The following GNAQ variants were observed in gnomAD, a reference collection of about 807,000 sequenced individuals.
The protein encoded by GNAQ is guanine nucleotide-binding protein G(q) subunit alpha.
Under a neutral mutation model 43.9 loss-of-function variants are expected in GNAQ, and 8 were observed. The ratio of observed to expected loss-of-function variants is 0.18; its 90% CI spans 0.11 to 0.33. The LOEUF (loss-of-function observed/expected upper bound fraction) is 0.33, where lower values mean the gene tolerates loss of function less well. GNAQ is among the 10% of genes least tolerant of loss of function. GNAQ has a pLI of 1.00. For missense variants in GNAQ, 158 were observed against 450.8 expected (o/e 0.35, Z 5.88); for synonymous variants, 155 against 170.7 (o/e 0.91, Z 0.71).
At chr9:77,839,143 G>A (rs1827442687) in intron 2 of GNAQ, among the ~76,000 whole-genome samples, 1 of 152,068 alleles carries the variant, frequency 6.6e-6, no homozygotes, top group African/African-American at 2.4e-5. Context: ...CCCAGGCCTC[G>A]TGGTGAACAG....
intron 2 of GNAQ, among the ~76,000 whole-genome samples, chr9:77,919,307 C>T (rs919186819): frequency 1.3e-5 from 2 of 152,076 alleles, no homozygotes; most frequent in African/African-American, 2.4e-5. Flanking sequence ...AGAATGAATG[C>T]AAAGATGGAA....
intron 4 of GNAQ, among the ~76,000 whole-genome samples, chr9:77,797,063 C>G (rs138465862): frequency 6.6e-6 from 1 of 151,946 alleles, no homozygotes; most frequent in African/African-American, 2.4e-5. Context: ...GATGGAGTCT[C>G]GCTTCGTAAC....
At chr9:77,894,918 G>A (rs1399263370) in intron 2 of GNAQ, among the ~76,000 whole-genome samples, 8 of 151,654 alleles carry the variant, frequency 5.3e-5, no homozygotes, top group East Asian at 3.9e-4. Context: ...GGCAGTGGCC[G>A]GGCACTCACG....
intron 2 of GNAQ, among the ~76,000 whole-genome samples, chr9:77,918,619 C>T (rs1828950718): frequency 6.6e-6 from 1 of 152,074 alleles, no homozygotes; most frequent in Admixed American, 6.6e-5. Flanking sequence ...ATTTTCTAGT[C>T]CTCCTCTATA....
chr9:77,935,476 C>A (rs1050954997), intron 1 of GNAQ, among the ~76,000 whole-genome samples: 4 of 152,134 alleles, frequency 2.6e-5, no homozygotes, highest in Non-Finnish European at 5.9e-5. Flanking sequence ...TTGTAAAAAG[C>A]CAATACATTT....
chr9:77,733,355 G>T (rs566976077), intron 5 of GNAQ, among the ~76,000 whole-genome samples: 69 of 152,278 alleles, frequency 4.5e-4, no homozygotes, highest in Non-Finnish European at 7.6e-4. Context: ...ACATGTAATT[G>T]ACTAAGGCTG....
intron 3 of GNAQ, among the ~76,000 whole-genome samples, chr9:77,814,233 CA>C (rs1826975927): frequency 2.0e-5 from 3 of 151,908 alleles, no homozygotes; most frequent in African/African-American, 7.3e-5. Context: ...GAAACTTATA[CA>C]GTGGGAGCCC....
At chr9:77,843,450 G>A (rs1259617796) in intron 2 of GNAQ, among the ~76,000 whole-genome samples, 1 of 152,166 alleles carries the variant, frequency 6.6e-6, no homozygotes, top group African/African-American at 2.4e-5. Context: ...TCCTTTCACA[G>A]AGCCCACCAA....
chr9:77,877,836 G>T (rs1286048106), intron 2 of GNAQ, among the ~76,000 whole-genome samples: 2 of 152,046 alleles, frequency 1.3e-5, no homozygotes, highest in African/African-American at 2.4e-5. Flanking sequence ...ATTATTTATG[G>T]CCCTGCAGTT....
At chr9:77,799,738 G>C (rs1163201827) in intron 3 of GNAQ, among the ~76,000 whole-genome samples, 2 of 152,088 alleles carry the variant, frequency 1.3e-5, no homozygotes, top group East Asian at 3.9e-4. Context: ...AATTCTTTAA[G>C]ACAAAAAAAG....
Position 77,996,800 on chromosome 9 carries a change from A to G in GNAQ, c.136+34300T>C, listed in dbSNP as rs76549485. On this transcript the variant is annotated intron_variant, in intron 1 of 6. Transcript: ENST00000286548. ...CATAAAATTTAATTTTGTAACCCTT[A>G]TATTTCACAGGATCCAGGCTGAAGT... is the stretch of plus-strand genomic sequence containing the variant. Among the ~76,000 whole-genome samples the G allele has an allele frequency of 8.4e-3, 1,274 of 152,166 alleles. 16 individuals are homozygous for G. The highest frequency in any genetic ancestry group is 0.029 in the African/African-American group (1,202 of 41,512).
chr9:78,008,242 T>C (rs1823730395), intron 1 of GNAQ, among the ~76,000 whole-genome samples: 1 of 152,212 alleles, frequency 6.6e-6, no homozygotes. Flanking sequence ...TCAGTTACCT[T>C]TTCTGTTAAA....
At chr9:77,917,669 G>A (rs1828933136) in intron 2 of GNAQ, among the ~76,000 whole-genome samples, 1 of 152,152 alleles carries the variant, frequency 6.6e-6, no homozygotes, top group South Asian at 2.1e-4. Flanking sequence ...ATTTGACCGA[G>A]TGACAAATAC....
chr9:77,859,792 A>T (rs1827814140), intron 2 of GNAQ, among the ~76,000 whole-genome samples: 2 of 152,240 alleles, frequency 1.3e-5, no homozygotes, highest in African/African-American at 4.8e-5. Flanking sequence ...GAATGCAGTA[A>T]AATATGAGGC....
chr9:77,761,505 T>C (rs1300790834), intron 5 of GNAQ, among the ~76,000 whole-genome samples: 2 of 100,858 alleles, frequency 2.0e-5, no homozygotes, highest in Admixed American at 1.1e-4. Context: ...GGTGGGGAGG[T>C]CAGCCCCCCG....
chr9:77,945,819 C>A (rs1161635990), intron 1 of GNAQ, among the ~76,000 whole-genome samples: 1 of 152,080 alleles, frequency 6.6e-6, no homozygotes, highest in Non-Finnish European at 1.5e-5. Flanking sequence ...TCCAAGGGAC[C>A]CTTAGAGGCC....
chr9:77,820,182 A>C (rs1303276244), intron 2 of GNAQ, among the ~76,000 whole-genome samples: 1 of 152,098 alleles, frequency 6.6e-6, no homozygotes, highest in African/African-American at 2.4e-5. Context: ...AAGTCACTGA[A>C]GCCTAAATTT....
At chr9:78,006,877 G>A (rs1823713154) in intron 1 of GNAQ, among the ~76,000 whole-genome samples, 1 of 152,180 alleles carries the variant, frequency 6.6e-6, no homozygotes, top group South Asian at 2.1e-4. Flanking sequence ...GGCCTGTCAG[G>A]AGTTCATTTC....
At chr9:77,808,501 G>C (rs1199850739) in intron 3 of GNAQ, among the ~76,000 whole-genome samples, 1 of 151,722 alleles carries the variant, frequency 6.6e-6, no homozygotes, top group Non-Finnish European at 1.5e-5. Context: ...ACATATGCAA[G>C]ATCAATGTCC....
Sources: allele counts gnomAD v4.1 joint callset (sites outside exome capture counted in the v4.1 genomes callset), GRCh38; gene constraint gnomAD v4.1.1; transcripts MANE v1.5; gene names NCBI Gene and HGNC (gene_info 2026-07-23, HGNC 2026-07-21).